SLC22A15: variants seen among roughly 807,000 people sequenced by gnomAD.
SLC22A15 encodes the protein solute carrier family 22 member 15.
SLC22A15 carries 45 observed loss-of-function variants against 62.7 expected under a neutral mutation model. The observed-to-expected ratio is 0.72, with a 90% confidence interval of 0.56 to 0.92. SLC22A15 has a LOEUF of 0.92. Among genes scored for constraint, SLC22A15 ranks in the 40% least tolerant of loss-of-function variants. The pLI is 0.00. For missense variants in SLC22A15, 622 were observed against 665.6 expected, an observed-to-expected ratio of 0.93 and a Z score of 0.72; for synonymous variants, 264 against 267.0, an observed-to-expected ratio of 0.99 and a Z score of 0.11.
chr1:115,998,721 CA>C (rs900251972), intron 2 of SLC22A15, among the ~76,000 whole-genome samples: 43 of 151,622 alleles, frequency 2.8e-4, no homozygotes, highest in Admixed American at 1.2e-3. Flanking sequence ...TTTATCTTTT[CA>C]AAAAAACAAC....
chr1:116,026,458 A>AGG (rs2101384704), intron 4 of SLC22A15, among the ~76,000 whole-genome samples: 2 of 152,062 alleles, frequency 1.3e-5, no homozygotes, highest in African/African-American at 4.8e-5. Context: ...AAGAAAAGAA[A>AGG]AGAAAGAAAC....
intron 4 of SLC22A15, among the ~76,000 whole-genome samples, chr1:116,022,283 A>G (rs1163958552): frequency 6.6e-6 from 1 of 152,138 alleles, no homozygotes; most frequent in Non-Finnish European, 1.5e-5. Context: ...TTCAATTTGC[A>G]TTGAGACTTT....
chr1:116,046,050 C>T (rs942264425), intron 8 of SLC22A15, among the ~76,000 whole-genome samples: 2 of 152,022 alleles, frequency 1.3e-5, no homozygotes, highest in African/African-American at 2.4e-5. Flanking sequence ...TCTCCATATA[C>T]AAAAAATATA....
intron 1 of SLC22A15, 136 bp from the exon 2 acceptor site, chr1:115,991,895 G>A: frequency 1.5e-6 from 1 of 685,486 alleles, no homozygotes. Context: ...CTTTGTTTCT[G>A]ATGTGGCTTA....
chr1:116,041,115 A>G (rs954197687), intron 8 of SLC22A15, among the ~76,000 whole-genome samples: 1 of 152,176 alleles, frequency 6.6e-6, no homozygotes, highest in Non-Finnish European at 1.5e-5. Flanking sequence ...GAATCTGAAC[A>G]GTAGGAGATC....
In SLC22A15 at chr1:115,992,209, A is replaced by G. The variant is rs756592473; in HGVS notation, c.266A>G (p.His89Arg). 26 of 1,603,900 alleles carry G rather than the reference A, an allele frequency of 1.6e-5. No individual in the cohort carries two copies. The East Asian group carries it at 3.4e-4, about 21-fold the overall frequency. ...ANGSEIHKHV[H>R]FSSSFTSIAS... ...GGCAGTGAGATCCATAAGCACGTGC[A>G]TTTCAGCAGCAGCTTCACCTCCATC... Residue 89 changes from histidine (H) to arginine (R), a missense_variant, in exon 2 of 12, where the codon CAT (histidine) becomes CGT (arginine). Physicochemically the swap from His to Arg is conservative, Grantham distance 29 (BLOSUM62 0). Transcript: ENST00000369503.
At chr1:116,037,008 A>C (rs1289219942) in intron 7 of SLC22A15, among the ~76,000 whole-genome samples, 1 of 152,206 alleles carries the variant, frequency 6.6e-6, no homozygotes, top group Admixed American at 6.5e-5. Flanking sequence ...AATAGATGGT[A>C]AACATTTAAA....
At chr1:116,034,623 G>C (rs1657564377) in intron 6 of SLC22A15, among the ~76,000 whole-genome samples, 1 of 152,208 alleles carries the variant, frequency 6.6e-6, no homozygotes. Flanking sequence ...TGCACCTGCT[G>C]AATGCAGGAT....
chr1:116,001,891 TG>T (rs1446275405), intron 2 of SLC22A15, among the ~76,000 whole-genome samples: 4 of 152,198 alleles, frequency 2.6e-5, no homozygotes, highest in Non-Finnish European at 5.9e-5. Flanking sequence ...TCGATGCCTG[TG>T]GATGTTCGTC....
At chr1:115,982,557 A>G (rs1391061035) in intron 1 of SLC22A15, among the ~76,000 whole-genome samples, 3 of 152,124 alleles carry the variant, frequency 2.0e-5, no homozygotes, top group African/African-American at 7.2e-5. Context: ...ATAATTTGCT[A>G]TTCAGTTCTC....
At chr1:116,041,142 G>A (rs187916108) in intron 8 of SLC22A15, among the ~76,000 whole-genome samples, 1 of 152,090 alleles carries the variant, frequency 6.6e-6, no homozygotes, top group East Asian at 1.9e-4. Context: ...TGATAAACAC[G>A]GTTCTTAGTG....
intron 2 of SLC22A15, among the ~76,000 whole-genome samples, chr1:115,996,775 C>T (rs149180883): frequency 6.4e-4 from 98 of 151,942 alleles, no homozygotes; most frequent in Non-Finnish European, 1.1e-3. Flanking sequence ...ATAGTTATAG[C>T]GTGATTCAAA....
At chr1:116,047,342 G>A (rs1247933496) in intron 8 of SLC22A15, among the ~76,000 whole-genome samples, 12 of 152,154 alleles carry the variant, frequency 7.9e-5, no homozygotes, top group Admixed American at 4.6e-4. Flanking sequence ...CAGAAGAATC[G>A]CTTGAACCCG....
chr1:115,987,940 T>C (rs1654955566), intron 1 of SLC22A15, among the ~76,000 whole-genome samples: 1 of 152,222 alleles, frequency 6.6e-6, no homozygotes. Context: ...TGTGATGAGA[T>C]AATTTATAGG....
chr1:116,007,673 T>C (rs2101184622), intron 2 of SLC22A15, among the ~76,000 whole-genome samples: 1 of 152,286 alleles, frequency 6.6e-6, no homozygotes, highest in East Asian at 1.9e-4. Context: ...CTTCCATAGA[T>C]GCTATGTATT....
Position 116,031,596 on chromosome 1 carries a change from G to A in SLC22A15, c.944+15G>A, listed in dbSNP as rs1235996721. On this transcript the variant is annotated intron_variant, in intron 6 of 11. Transcript: ENST00000369503. ...ATGTTCATCTGGTAATTATACTAAGGCGTGTTCTGTTGCTCTTTAACTAAG... is the reference window on the plus strand; with the variant it reads ...ATGTTCATCTGGTAATTATACTAAGACGTGTTCTGTTGCTCTTTAACTAAG... The A allele has an allele frequency of 1.2e-6, 2 of 1,612,052 alleles. No homozygotes were observed. Among genetic ancestry groups the A allele is most frequent in the African/African-American group, 1.3e-5 (1 of 74,868 alleles).
At chr1:116,053,082 G>A (rs1448290291) in intron 8 of SLC22A15, among the ~76,000 whole-genome samples, 4 of 152,218 alleles carry the variant, frequency 2.6e-5, no homozygotes, top group Admixed American at 2.0e-4. Flanking sequence ...GTTGAGAGAA[G>A]GCTTTAGACG....
chr1:116,064,435 G>T lies in SLC22A15; in HGVS notation c.1293-1G>T. On this transcript the variant is annotated splice_acceptor_variant, in intron 9 of 11. Transcript: ENST00000369503. LOFTEE classifies it high-confidence loss of function. ...GATGTATTTTTACTTATGCTTTTCA[G>T]GAATGTTGGGCTTGGAACTTGTTCC... 6.2e-7 allele frequency: 1 copy of T among 1,611,878 alleles called. No individual in the cohort carries two copies. The highest frequency in any genetic ancestry group is 8.5e-7 in the Non-Finnish European group (1 of 1,178,142).
At chr1:116,064,258 A>G (rs1055043041) in intron 9 of SLC22A15, among the ~76,000 whole-genome samples, 178 bp from the exon 10 acceptor site, 1 of 151,696 alleles carries the variant, frequency 6.6e-6, no homozygotes, top group African/African-American at 2.4e-5. Flanking sequence ...GGACTGGGTA[A>G]TTATAGAACA....
Sources: gnomAD v4.1 joint callset for allele counts (sites outside exome capture counted in the v4.1 genomes callset) on GRCh38, gnomAD v4.1.1 for gene constraint, MANE v1.5 for transcripts, NCBI Gene and HGNC (gene_info 2026-07-23, HGNC 2026-07-21) for gene names.